CSMD3: variants seen among roughly 807,000 people sequenced by gnomAD.
The protein encoded by CSMD3 is CUB and sushi domain-containing protein 3.
CSMD3 carries 177 observed loss-of-function variants against 435.2 expected under a neutral mutation model. That is an observed-to-expected ratio of 0.41 (90% CI 0.36 to 0.46). The LOEUF (loss-of-function observed/expected upper bound fraction) is 0.46. CSMD3 is among the 20% of genes least tolerant of loss of function. The probability of loss-of-function intolerance (pLI) is 0.34; values close to 1 mark genes in which losing one functional copy is unlikely to be tolerated. For missense variants in CSMD3, 4,265 were observed against 4,504.6 expected, an observed-to-expected ratio of 0.95 and a Z score of 1.52; for synonymous variants, 1,656 against 1,520.5, an observed-to-expected ratio of 1.09 and a Z score of -2.07.
At chr8:112,484,756 T>A (rs773530919) in intron 31 of CSMD3, among the ~76,000 whole-genome samples, 17 of 152,118 alleles carry the variant, frequency 1.1e-4, no homozygotes, top group Non-Finnish European at 1.5e-4. Context: ...AATCTGAAAT[T>A]TTTGAGCACC....
intron 10 of CSMD3, among the ~76,000 whole-genome samples, chr8:112,914,412 T>C (rs2082515747): frequency 6.6e-6 from 1 of 151,836 alleles, no homozygotes; most frequent in Non-Finnish European, 1.5e-5. Flanking sequence ...TTCATTCAAA[T>C]ATTAGTGAGT....
chr8:112,798,671 T>C (rs1378925387), intron 13 of CSMD3, among the ~76,000 whole-genome samples: 2 of 151,878 alleles, frequency 1.3e-5, no homozygotes, highest in Non-Finnish European at 2.9e-5. Flanking sequence ...TAAATATCGA[T>C]AGAACTCCCT....
intron 10 of CSMD3, among the ~76,000 whole-genome samples, chr8:112,902,152 G>C (rs1019272615): frequency 1.3e-5 from 2 of 151,108 alleles, no homozygotes; most frequent in African/African-American, 4.8e-5. Flanking sequence ...CTGGGCTTCT[G>C]GCAAAAGGAG....
intron 32 of CSMD3, among the ~76,000 whole-genome samples, chr8:112,449,129 A>T (rs1258405562): frequency 6.6e-6 from 1 of 152,128 alleles, no homozygotes; most frequent in African/African-American, 2.4e-5. Context: ...TCTATATCCA[A>T]GCCAGCAGTA....
Position 112,351,253 on chromosome 8 carries a change from A to C in CSMD3, c.6256-9T>G. Reference sequence around the variant, plus strand: ...GTAATGTGAGAGTGACCCTACATAAACAAAATGATGTGGTTCAGTACACAT... The same window carrying C: ...GTAATGTGAGAGTGACCCTACATAACCAAAATGATGTGGTTCAGTACACAT... On this transcript the variant is annotated splice_polypyrimidine_tract_variant and intron_variant, in intron 39 of 70. Transcript: ENST00000297405. 2.5e-6 allele frequency: 4 copies of C among 1,591,390 alleles called. No individual in the cohort carries two copies. The highest frequency in any genetic ancestry group is 3.4e-6 in the Non-Finnish European group (4 of 1,159,750).
At chr8:112,237,415 A>G in intron 66 of CSMD3, 67 bp from the exon 67 acceptor site, 1 of 1,164,224 alleles carries the variant, frequency 8.6e-7, no homozygotes, top group African/African-American at 1.5e-5. Context: ...CATTAAATAG[A>G]GTATTAGTTT....
intron 2 of CSMD3, among the ~76,000 whole-genome samples, chr8:113,281,833 T>C (rs1239331234): frequency 4.6e-5 from 7 of 152,014 alleles, no homozygotes; most frequent in African/African-American, 1.4e-4. Flanking sequence ...TTTCAAGATT[T>C]ACAGCTCCTT....
chr8:112,533,886 G>A (rs775693596), intron 27 of CSMD3, among the ~76,000 whole-genome samples: 1 of 151,972 alleles, frequency 6.6e-6, no homozygotes, highest in Non-Finnish European at 1.5e-5. Flanking sequence ...AACAAGTCTT[G>A]ACAAATTCCA....
At chr8:113,156,748 A>ATAATTAAATAAT (rs2091938077) in intron 4 of CSMD3, among the ~76,000 whole-genome samples, 2 of 147,354 alleles carry the variant, frequency 1.4e-5, no homozygotes, top group East Asian at 2.0e-4. Context: ...AAATAAATAA[A>ATAATTAAATAAT]TAAATAAATA....
chr8:112,342,227 C>A (rs973109559), intron 41 of CSMD3, among the ~76,000 whole-genome samples: 4 of 152,102 alleles, frequency 2.6e-5, no homozygotes, highest in African/African-American at 9.6e-5. Flanking sequence ...GAAGATAATG[C>A]AGGCTTTTAT....
chr8:112,402,589 C>T (rs768600554), intron 35 of CSMD3, among the ~76,000 whole-genome samples: 1 of 151,892 alleles, frequency 6.6e-6, no homozygotes, highest in African/African-American at 2.4e-5. Context: ...TATCTAAGTC[C>T]TTCTATTTTT....
At chr8:112,994,535 T>C (rs747696487) in intron 6 of CSMD3, among the ~76,000 whole-genome samples, 1 of 151,684 alleles carries the variant, frequency 6.6e-6, no homozygotes, top group African/African-American at 2.4e-5. Context: ...TATAGCAAGG[T>C]ACTGTGAAAG....
intron 10 of CSMD3, among the ~76,000 whole-genome samples, chr8:112,868,440 C>CT (rs2081045160): frequency 6.6e-6 from 1 of 152,074 alleles, no homozygotes; most frequent in African/African-American, 2.4e-5. Flanking sequence ...ATGTGCCATA[C>CT]TTTTATATGA....
At position 112,336,719 on chromosome 8, in the gene CSMD3, C is replaced by T. The variant is rs1484431339; in HGVS notation, c.6952G>A (p.Gly2318Arg). The T allele has an allele frequency of 1.2e-6, 2 of 1,613,212 alleles. No individual in the cohort carries two copies. Among genetic ancestry groups the T allele is most frequent in the East Asian group, 2.2e-5 (1 of 44,778 alleles). Residue 2318 changes from glycine to arginine, a missense_variant, in exon 44 of 71, where the codon GGG (glycine) becomes AGG (arginine). Gly to Arg is a moderately radical substitution (Grantham distance 125). This residue lies in a region of CSMD3 where 3,255 missense variants were observed against 3,380.2 expected (regional missense o/e 0.96). Transcript: ENST00000297405. The stretch of plus-strand genomic sequence containing the variant: ...GTAAAATTGATGTAGATGCCATTCC[C>T]AGGGGGTACTCTTACAAGCCAAAAA... Reference protein sequence around the residue: ...DCFWLVRVPPGNGIYINFTVL... With the variant: ...DCFWLVRVPPRNGIYINFTVL...
chr8:112,430,989 A>G (rs1388540945), intron 32 of CSMD3, among the ~76,000 whole-genome samples: 2 of 151,904 alleles, frequency 1.3e-5, no homozygotes, highest in Admixed American at 6.6e-5. Context: ...CTGTGATTTA[A>G]TGCTCTGACT....
At chr8:113,218,819 T>A (rs184893428) in intron 3 of CSMD3, among the ~76,000 whole-genome samples, 2 of 151,388 alleles carry the variant, frequency 1.3e-5, no homozygotes, top group East Asian at 3.9e-4. Flanking sequence ...TTTTTCAGAT[T>A]TGGAAACATT....
chr8:112,647,500 GT>G (rs1197983947), intron 19 of CSMD3, among the ~76,000 whole-genome samples: 1 of 151,992 alleles, frequency 6.6e-6, no homozygotes, highest in Non-Finnish European at 1.5e-5. Context: ...GTAGAGACAG[GT>G]TTCACTGTGT....
chr8:112,938,684 G>A (rs1441912704), intron 9 of CSMD3, among the ~76,000 whole-genome samples: 1 of 152,142 alleles, frequency 6.6e-6, no homozygotes, highest in Non-Finnish European at 1.5e-5. Context: ...CCACACGACT[G>A]AAGTGAAATA....
chr8:112,825,967 G>A (rs1199280498), intron 12 of CSMD3, among the ~76,000 whole-genome samples: 1 of 152,204 alleles, frequency 6.6e-6, no homozygotes, highest in Non-Finnish European at 1.5e-5. Flanking sequence ...CCTGGAGACT[G>A]TGGCCACACC....
Sources: allele counts gnomAD v4.1 joint callset (sites outside exome capture counted in the v4.1 genomes callset), GRCh38; gene constraint gnomAD v4.1.1; regional missense constraint gnomAD v4.1.1; transcripts MANE v1.5; gene names NCBI Gene and HGNC (gene_info 2026-07-23, HGNC 2026-07-21).